The following MYH13 variants were observed in gnomAD, a reference collection of about 807,000 sequenced individuals.
MYH13 encodes the protein myosin-13.
Under a neutral mutation model 232.1 loss-of-function variants are expected in MYH13, and 177 were observed. The ratio of observed to expected loss-of-function variants is 0.76; its 90% CI spans 0.67 to 0.86. The LOEUF (loss-of-function observed/expected upper bound fraction) is 0.86. Among genes scored for constraint, MYH13 ranks in the 40% least tolerant of loss-of-function variants. The probability of loss-of-function intolerance (pLI) is 0.00; values close to 1 mark genes in which losing one functional copy is unlikely to be tolerated. For missense variants in MYH13, 2,246 were observed against 2,405.9 expected, an observed-to-expected ratio of 0.93 and a Z score of 1.39; for synonymous variants, 884 against 923.5, an observed-to-expected ratio of 0.96 and a Z score of 0.78.
chr17:10,334,840 C>G (rs185611902), intron 18 of MYH13, among the ~76,000 whole-genome samples: 32 of 152,246 alleles, frequency 2.1e-4, no homozygotes, highest in African/African-American at 7.5e-4. Flanking sequence ...GATTGTGCCA[C>G]TGCACTCCAA....
intron 12 of MYH13, among the ~76,000 whole-genome samples, chr17:10,347,805 G>A (rs1322984534): frequency 1.4e-5 from 2 of 139,638 alleles, no homozygotes; most frequent in African/African-American, 5.4e-5. Flanking sequence ...TGCAAGCTCC[G>A]CCTCCTGGGT....
At position 10,313,208 on chromosome 17, in the gene MYH13, G is replaced by T; in HGVS notation, c.4131C>A (p.Thr1377=). The change falls in exon 30 of 41, where the codon ACC becomes ACA. Residue 1377 remains threonine, a synonymous_variant. Transcript: ENST00000252172. The stretch of plus-strand genomic sequence containing the variant: ...GCTGAATGGCGTCCGTCTCGTATTT[G>T]GTCCTCCACTGGGCAACCTCACTGT... ...KANSEVAQWR[T]KYETDAIQRT... 1 of 1,614,158 alleles carries T rather than the reference G, an allele frequency of 6.2e-7. No individual in the cohort carries two copies. The highest frequency in any genetic ancestry group is 8.5e-7 in the Non-Finnish European group (1 of 1,180,034).
intron 35 of MYH13, among the ~76,000 whole-genome samples, chr17:10,307,290 A>G (rs1277284835): frequency 2.0e-5 from 3 of 152,256 alleles, no homozygotes; most frequent in Non-Finnish European, 4.4e-5. Flanking sequence ...TCAGTAAATG[A>G]TAAAAGTAGA....
In MYH13 at chr17:10,320,261, A is replaced by C; in HGVS notation, c.3258-18T>G. On this transcript the variant is annotated intron_variant, in intron 25 of 40. Coordinates refer to ENST00000252172, the MANE Select transcript of MYH13 (RefSeq NM_003802.3). ...ACTCCTTCCTGCAAATAGATTAAAAAAAAATAAAGAACATGAAATACAAGC... is the reference window on the plus strand; with the variant it reads ...ACTCCTTCCTGCAAATAGATTAAAACAAAATAAAGAACATGAAATACAAGC... 6.3e-7 allele frequency: 1 copy of C among 1,597,366 alleles called. No individual in the cohort carries two copies. Among genetic ancestry groups the C allele is most frequent in the African/African-American group, 1.3e-5 (1 of 74,656 alleles).
rs748328104 is a variant in MYH13 at position 10,346,737 on chromosome 17, G to A, written c.1206C>T (p.Cys402=). 21 of 1,613,952 alleles carry A rather than the reference G, an allele frequency of 1.3e-5. 1 individual carries two copies. In the African/African-American group the frequency reaches 2.1e-4, roughly 16 times the overall value. The change falls in exon 13 of 41, where the codon TGC becomes TGT. Residue 402 remains cysteine (C), a synonymous_variant. Coordinates refer to ENST00000252172, the MANE Select transcript of MYH13 (RefSeq NM_003802.3). The part of the protein sequence containing the change: ...LNSAEMLKGL[C]CPRVKVGNEY... The stretch of plus-strand genomic sequence containing the variant: ...CATTGCCAACCTTCACCCTTGGACA[G>A]CACAGGCCCTTCAGCATTTCTGCAG...
intron 1 of MYH13, among the ~76,000 whole-genome samples, chr17:10,371,845 C>T (rs1454590928): frequency 1.3e-5 from 2 of 152,108 alleles, no homozygotes; most frequent in African/African-American, 4.8e-5. Context: ...TAAATTCCTC[C>T]TGCAGATGAT....
At chr17:10,371,729 A>G (rs1192804083) in intron 1 of MYH13, among the ~76,000 whole-genome samples, 1 of 152,156 alleles carries the variant, frequency 6.6e-6, no homozygotes, top group African/African-American at 2.4e-5. Flanking sequence ...AGGGAGGGGA[A>G]TGCTCCAGAT....
chr17:10,318,807 C>G lies in MYH13; in HGVS notation c.3721G>C (p.Ala1241Pro). Residue 1241 changes from alanine (A) to proline (P), a missense_variant, in exon 27 of 41, where the codon GCT becomes CCT. Physicochemically the swap from Ala to Pro is conservative, Grantham distance 27. Transcript: ENST00000252172. ...EIDDMASNIE[A>P]LSKSKSNIER... The stretch of plus-strand genomic sequence containing the variant: ...TCAGGTACCTTTGACTTGGAGAGAG[C>G]CTCGATGTTGCTGGCCATGTCGTCA... The G allele has an allele frequency of 6.2e-7, 1 of 1,614,024 alleles. No individual in the cohort carries two copies. Among genetic ancestry groups the G allele is most frequent in the Non-Finnish European group, 8.5e-7 (1 of 1,179,960 alleles).
intron 2 of MYH13, among the ~76,000 whole-genome samples, chr17:10,369,570 A>T (rs2071863541): frequency 6.6e-6 from 1 of 152,254 alleles, no homozygotes; most frequent in Admixed American, 6.5e-5. Context: ...TGTGATGGCA[A>T]TAGGAGAATA....
At chr17:10,311,850 G>C (rs1906517898) in intron 32 of MYH13, 61 bp downstream of exon 32, 1 of 1,591,294 alleles carries the variant, frequency 6.3e-7, no homozygotes, top group Non-Finnish European at 8.6e-7. Context: ...TGGCCAAATG[G>C]GGAAGGGGTT....
rs1906521013 is a variant in MYH13 at position 10,311,955 on chromosome 17, A to C, written c.4487T>G (p.Val1496Gly). 1 of 1,613,950 alleles carries C rather than the reference A, an allele frequency of 6.2e-7. No individual in the cohort carries two copies. Among genetic ancestry groups the C allele is most frequent in the Non-Finnish European group, 8.5e-7 (1 of 1,179,886 alleles). Residue 1496 changes from valine (V) to glycine (G), a missense_variant, in exon 32 of 41, where the codon GTG becomes GGG. Coordinates refer to ENST00000252172, the MANE Select transcript of MYH13 (RefSeq NM_003802.3). Reference sequence around the variant, plus strand: ...TCGCCTCAGTGTCTCTAACTGGTCCACCACCTCCTCATAGGCATTCCTCAT... The same window carrying C: ...TCGCCTCAGTGTCTCTAACTGGTCCCCCACCTCCTCATAGGCATTCCTCAT... ...FKMRNAYEEV[V>G]DQLETLRREN...
intron 21 of MYH13, among the ~76,000 whole-genome samples, chr17:10,328,574 G>T (rs999152987): frequency 6.6e-6 from 1 of 151,894 alleles, no homozygotes; most frequent in Non-Finnish European, 1.5e-5. Flanking sequence ...GCCATATGGG[G>T]TTCCTCTTCC....
At chr17:10,310,042 T>C (rs1036875955) in intron 33 of MYH13, among the ~76,000 whole-genome samples, 3 of 150,518 alleles carry the variant, frequency 2.0e-5, no homozygotes, top group Non-Finnish European at 4.4e-5. Context: ...CCTCCTAAAG[T>C]GTTGGGATTA....
At position 10,333,131 on chromosome 17, in the gene MYH13, A is replaced by C. The variant is rs1394139900; in HGVS notation, c.2117T>G (p.Ile706Ser). ...QLRCNGVLEG[I>S]RICRKGFPSR... ...GGGGAATCCCTTCCTGCAAATCCGG[A>C]TGCCCTCGAGGACCCCGTTACAGCG... The change falls in exon 19 of 41, where the codon ATC (isoleucine) becomes AGC (serine). Residue 706 changes from isoleucine (I) to serine (S), a missense_variant. Transcript: ENST00000252172. 1.3e-6 allele frequency: 2 copies of C among 1,551,768 alleles called. No homozygotes were observed.
At chr17:10,340,988 TGA>T (rs2071615554) in intron 16 of MYH13, 1 of 151,668 alleles carries the variant, frequency 6.6e-6, no homozygotes, top group Admixed American at 6.6e-5. Context: ...TTTGCAAGAT[TGA>T]GATGTCCCTC....
intron 3 of MYH13, 46 bp downstream of exon 3, chr17:10,364,281 A>C (rs2071815587): frequency 6.4e-7 from 1 of 1,557,214 alleles, no homozygotes; most frequent in Admixed American, 1.7e-5. Flanking sequence ...TCCAAAGAAA[A>C]ATGAGCATGC....
At chr17:10,351,720 G>A (rs1337560532) in intron 11 of MYH13, among the ~76,000 whole-genome samples, 2 of 152,288 alleles carry the variant, frequency 1.3e-5, no homozygotes, top group East Asian at 3.9e-4. Context: ...TAGGGTCATT[G>A]CTGGTTTGGT....
At chr17:10,336,397 T>C (rs1205966703) in intron 18 of MYH13, among the ~76,000 whole-genome samples, 1 of 152,200 alleles carries the variant, frequency 6.6e-6, no homozygotes, top group Non-Finnish European at 1.5e-5. Context: ...TCCCACTCCT[T>C]TCTCCAGCCA....
chr17:10,312,144 A>C lies in MYH13; in HGVS notation c.4366-68T>G, dbSNP rs1348497830. 22 of 1,560,928 alleles carry C rather than the reference A, an allele frequency of 1.4e-5. No individual in the cohort carries two copies. In the Middle Eastern group the frequency reaches 6.8e-4, roughly 49 times the overall value. The stretch of plus-strand genomic sequence containing the variant: ...GTGACTCAGAAGAGTTCATGCAAAC[A>C]AGGGCTGTCAGTAACACCAACGTTT... On this transcript the variant is annotated intron_variant, in intron 31 of 40. Coordinates refer to ENST00000252172, the MANE Select transcript of MYH13 (RefSeq NM_003802.3).
Sources: gnomAD v4.1 joint callset for allele counts (sites outside exome capture counted in the v4.1 genomes callset) on GRCh38, gnomAD v4.1.1 for gene constraint, MANE v1.5 for transcripts, NCBI Gene and HGNC (gene_info 2026-07-23, HGNC 2026-07-21) for gene names.